The following PRDM5 variants were observed in gnomAD, a reference collection of about 807,000 sequenced individuals.
PRDM5 encodes the protein PR/SET domain 5.
PRDM5 carries 56 observed loss-of-function variants against 81.2 expected under a neutral mutation model. That is an observed-to-expected ratio of 0.69 (90% CI 0.56 to 0.86). The LOEUF (loss-of-function observed/expected upper bound fraction) is 0.86, where lower values mean the gene tolerates loss of function less well. Among genes scored for constraint, PRDM5 ranks in the 40% least tolerant of loss-of-function variants. The pLI is 0.00. For missense variants in PRDM5, 697 were observed against 770.1 expected (o/e 0.91, Z 1.12); for synonymous variants, 267 against 256.4 (o/e 1.04, Z -0.39).
intron 3 of PRDM5, among the ~76,000 whole-genome samples, chr4:120,832,196 G>A (rs1205462094): frequency 2.6e-5 from 4 of 152,120 alleles, no homozygotes; most frequent in Non-Finnish European, 2.9e-5. Context: ...CTGCATGGCT[G>A]GGGAGGCCTC....
chr4:120,780,978 T>C (rs1025180227), intron 12 of PRDM5, among the ~76,000 whole-genome samples, 165 bp downstream of exon 12: 3 of 152,164 alleles, frequency 2.0e-5, no homozygotes, highest in Admixed American at 2.0e-4. Context: ...TCCTGAAAGA[T>C]GAAGAAAGTG....
At chr4:120,904,291 C>A (rs1271431019) in intron 2 of PRDM5, among the ~76,000 whole-genome samples, 3 of 142,670 alleles carry the variant, frequency 2.1e-5, no homozygotes, top group Non-Finnish European at 4.5e-5. Context: ...CAATGGCTGA[C>A]AATCCGAAAT....
At position 120,695,089 on chromosome 4, in the gene PRDM5, T is replaced by C; in HGVS notation, c.*22A>G. The C allele has an allele frequency of 6.2e-7, 1 of 1,607,084 alleles. No homozygotes were observed. The highest frequency in any genetic ancestry group is 8.5e-7 in the Non-Finnish European group (1 of 1,173,896). On this transcript the variant is annotated 3_prime_UTR_variant, in exon 16 of 16. Coordinates refer to ENST00000264808, the MANE Select transcript of PRDM5 (RefSeq NM_018699.4). ...TCATATTAGGAGCCCTTCTGAATAGTTTAATTCCTTTACAGCCCCTATTAG... is the reference window on the plus strand; with the variant it reads ...TCATATTAGGAGCCCTTCTGAATAGCTTAATTCCTTTACAGCCCCTATTAG...
At chr4:120,768,563 T>C (rs1561157096) in intron 13 of PRDM5, among the ~76,000 whole-genome samples, 1 of 152,126 alleles carries the variant, frequency 6.6e-6, no homozygotes, top group Non-Finnish European at 1.5e-5. Flanking sequence ...TTATATATAA[T>C]AAACAATGAG....
chr4:120,818,615 T>G, intron 4 of PRDM5, 88 bp from the exon 5 acceptor site: 1 of 1,072,112 alleles, frequency 9.3e-7, no homozygotes, highest in Non-Finnish European at 1.4e-6. Flanking sequence ...ATTAATTAAT[T>G]AATTGTGCTT....
In PRDM5 at chr4:120,818,492, G is replaced by T. The variant is rs370082902; in HGVS notation, c.511C>A (p.Gln171Lys). 3.7e-6 allele frequency: 6 copies of T among 1,613,604 alleles called. No individual in the cohort carries two copies. The African/African-American group carries it at 8.0e-5, about 22-fold the overall frequency. The change falls in exon 5 of 16, where the codon CAA (glutamine) becomes AAA (lysine). Residue 171 changes from glutamine (Q) to lysine (K), a missense_variant. Gln to Lys is a moderately conservative substitution (Grantham distance 53). Around this residue, in one of 3 missense-constraint regions of PRDM5, gnomAD observed 577 missense variants for 606.7 expected, o/e 0.95. Transcript: ENST00000264808. ...LGCKEDYACP[Q>K]CESSFTSEDI... ...TCACTGGTAAAACTCGATTCACATT[G>T]AGGACAAGCATAGTCCTCTTTACAG...
chr4:120,752,707 C>T (rs1469033219), intron 14 of PRDM5, among the ~76,000 whole-genome samples: 1 of 152,032 alleles, frequency 6.6e-6, no homozygotes, highest in African/African-American at 2.4e-5. Flanking sequence ...CAAAAAAATG[C>T]AAATGGTCTT....
At chr4:120,828,359 C>G (rs1252119300) in intron 3 of PRDM5, among the ~76,000 whole-genome samples, 1 of 152,042 alleles carries the variant, frequency 6.6e-6, no homozygotes, top group African/African-American at 2.4e-5. Context: ...GCCCCTCCAA[C>G]ACACCTGCAT....
At position 120,830,533 on chromosome 4, in the gene PRDM5, C is replaced by T. The variant is rs192924409; in HGVS notation, c.301-9188G>A. 5.3e-5 allele frequency among the ~76,000 whole-genome samples: 8 copies of T among 152,032 alleles called. 1 individual carries two copies. Among genetic ancestry groups the T allele is most frequent in the Middle Eastern group, 3.4e-3 (1 of 294 alleles). ...AAGAGTTTAGGGTTGTTCGTTGGAG[C>T]GGTCTTCTGAGCAAAAATTGACTGA... On this transcript the variant is annotated intron_variant, in intron 3 of 15. Transcript: ENST00000264808.
intron 10 of PRDM5, among the ~76,000 whole-genome samples, chr4:120,786,943 G>T (rs917240081): frequency 1.3e-5 from 2 of 152,140 alleles, no homozygotes; most frequent in African/African-American, 2.4e-5. Context: ...GCCTCTACTA[G>T]CAAGTCCTAT....
chr4:120,773,787 G>C (rs2149216377), intron 13 of PRDM5, among the ~76,000 whole-genome samples: 1 of 152,266 alleles, frequency 6.6e-6, no homozygotes. Context: ...TGTGAGGCCA[G>C]ATTTTCTTCA....
chr4:120,880,034 A>G (rs1762690024), intron 2 of PRDM5, among the ~76,000 whole-genome samples: 1 of 152,166 alleles, frequency 6.6e-6, no homozygotes, highest in South Asian at 2.1e-4. Flanking sequence ...ATAATAATGT[A>G]TCAATATTGG....
chr4:120,864,541 T>C (rs575852530), intron 2 of PRDM5, among the ~76,000 whole-genome samples: 61 of 152,242 alleles, frequency 4.0e-4, no homozygotes, highest in African/African-American at 1.4e-3. Flanking sequence ...TTCCCACACA[T>C]CCAGCCATCA....
chr4:120,777,304 G>T (rs746319805), intron 12 of PRDM5, 23 bp from the exon 13 acceptor site: 2 of 1,612,774 alleles, frequency 1.2e-6, no homozygotes, highest in East Asian at 2.2e-5. Context: ...GGATAAAAAG[G>T]CTAAGGATAA....
chr4:120,858,718 A>G (rs185627885), intron 2 of PRDM5, among the ~76,000 whole-genome samples: 28 of 152,328 alleles, frequency 1.8e-4, no homozygotes, highest in African/African-American at 6.5e-4. Context: ...CTGGGAAAGC[A>G]GATGGAGAGG....
At chr4:120,688,271 A>T (rs1733908587), downstream of PRDM5, among the ~76,000 whole-genome samples, 2 of 150,938 alleles carry the variant, frequency 1.3e-5, no homozygotes. Context: ...TTTTTTGGCC[A>T]TTTATCTTCT....
At chr4:120,777,404 T>C (rs1167745620) in intron 12 of PRDM5, 123 bp from the exon 13 acceptor site, 7 of 1,502,012 alleles carry the variant, frequency 4.7e-6, no homozygotes, top group Admixed American at 2.1e-5. Context: ...ATGATTTAAT[T>C]TCACAATGAG....
At chr4:120,720,338 A>C (rs1393316011) in intron 14 of PRDM5, among the ~76,000 whole-genome samples, 1 of 152,174 alleles carries the variant, frequency 6.6e-6, no homozygotes, top group Non-Finnish European at 1.5e-5. Flanking sequence ...TGATTTTCGG[A>C]GTCCTCCACT....
rs568204744 is a variant in PRDM5 at position 120,875,835 on chromosome 4, G to C, written c.178-22295C>G. ...TTTTCACAGAAAAAAGCTGCTTACA[G>C]GATAGATGCCATGTTGGAGTGGGTA... On this transcript the variant is annotated intron_variant, in intron 2 of 15. Transcript: ENST00000264808. Among the ~76,000 whole-genome samples the C allele has an allele frequency of 3.6e-3, 550 of 152,286 alleles. 2 individuals are homozygous for C. Among genetic ancestry groups the C allele is most frequent in the African/African-American group, 0.012 (512 of 41,550 alleles).
Sources: gnomAD v4.1 joint callset for allele counts (sites outside exome capture counted in the v4.1 genomes callset) on GRCh38, gnomAD v4.1.1 for gene constraint, gnomAD v4.1.1 regional missense constraint, MANE v1.5 for transcripts, NCBI Gene and HGNC (gene_info 2026-07-23, HGNC 2026-07-21) for gene names.